Variants in RIBC2 observed in about 807,000 individuals in gnomAD.
RIBC2 encodes RIB43A-like with coiled-coils protein 2.
Under a neutral mutation model 44.3 loss-of-function variants are expected in RIBC2, and 40 were observed. The observed-to-expected ratio is 0.90, with a 90% CI of 0.70 to 1.18. The LOEUF (loss-of-function observed/expected upper bound fraction) is 1.18, where lower values mean the gene tolerates loss of function less well. Among genes scored for constraint, RIBC2 ranks in the 50% most tolerant of loss-of-function variants. RIBC2 has a pLI of 0.00. For missense variants in RIBC2, 459 were observed against 485.5 expected (o/e 0.95, Z 0.51); for synonymous variants, 171 against 175.0 (o/e 0.98, Z 0.18).
At chr22:45,421,846 C>T (rs1336175905) in intron 3 of RIBC2, among the ~76,000 whole-genome samples, 1 of 152,020 alleles carries the variant, frequency 6.6e-6, no homozygotes, top group Non-Finnish European at 1.5e-5. Flanking sequence ...CCTGCCACTC[C>T]ACAGTATCTG....
chr22:45,432,142 G>T, intron 6 of RIBC2, 142 bp from the exon 7 acceptor site: 1 of 561,586 alleles, frequency 1.8e-6, no homozygotes. Context: ...ATTTTGGGGG[G>T]CTCATTAGGT....
chr22:45,424,759 T>TA (rs998146494), intron 4 of RIBC2, among the ~76,000 whole-genome samples: 1 of 149,096 alleles, frequency 6.7e-6, no homozygotes, highest in African/African-American at 2.5e-5. Context: ...TTTTCTTTTT[T>TA]TTTTTTTTTT....
intron 3 of RIBC2, among the ~76,000 whole-genome samples, chr22:45,421,526 A>G (rs12157328): frequency 2.5e-4 from 9 of 36,476 alleles, no homozygotes; most frequent in South Asian, 2.4e-3. Flanking sequence ...AATAATAATA[A>G]TAGTATTATT....
chr22:45,420,740 A>C (rs2087469702), intron 3 of RIBC2, among the ~76,000 whole-genome samples: 1 of 152,076 alleles, frequency 6.6e-6, no homozygotes, highest in African/African-American at 2.4e-5. Flanking sequence ...TCCTGCATAT[A>C]TTTTGAACTG....
At chr22:45,416,608 C>G (rs548909794) in intron 2 of RIBC2, among the ~76,000 whole-genome samples, 1 of 151,934 alleles carries the variant, frequency 6.6e-6, no homozygotes, top group African/African-American at 2.4e-5. Context: ...ACTATAGGCA[C>G]GTGCCACCAA....
At chr22:45,422,517 C>G in intron 4 of RIBC2, 109 bp downstream of exon 4, 1 of 797,482 alleles carries the variant, frequency 1.3e-6, no homozygotes, top group Non-Finnish European at 2.2e-6. Context: ...AGCCTGCTCC[C>G]TGGTCACATG....
chr22:45,430,885 C>G lies in RIBC2; in HGVS notation c.904-15C>G, dbSNP rs1256428967. 6.4e-7 allele frequency: 1 copy of G among 1,559,570 alleles called. No homozygotes were observed. Among genetic ancestry groups the G allele is most frequent in the Non-Finnish European group, 8.7e-7 (1 of 1,152,300 alleles). On this transcript the variant is annotated splice_polypyrimidine_tract_variant and intron_variant, in intron 5 of 6. Coordinates refer to ENST00000614167, the MANE Select transcript of RIBC2 (RefSeq NM_015653.5). Reference sequence around the variant, plus strand: ...CTGGGGAAAGGTGGTGGTGAGCCGCCTCTTTTCCTTCCAGAGGCTCCAGGA... The same window carrying G: ...CTGGGGAAAGGTGGTGGTGAGCCGCGTCTTTTCCTTCCAGAGGCTCCAGGA...
rs766500558 is a variant in RIBC2, at chr22:45,417,712, A to G, written c.322A>G (p.Lys108Glu). Residue 108 changes from lysine (K) to glutamate (E), a missense_variant, in exon 3 of 7, where the codon AAG becomes GAG. Coordinates refer to ENST00000614167, the MANE Select transcript of RIBC2 (RefSeq NM_015653.5). ...CAATGACTTCCAACAGAGCTTTCAG[A>G]AGCCAGAAACTCGCCGTGAATTTGA... ...AINDFQQSFQ[K>E]PETRREFDLS... 4.3e-6 allele frequency: 7 copies of G among 1,614,174 alleles called. No homozygotes were observed. Among genetic ancestry groups the G allele is most frequent in the Non-Finnish European group, 5.9e-6 (7 of 1,180,034 alleles).
intron 5 of RIBC2, among the ~76,000 whole-genome samples, chr22:45,430,365 G>A (rs1602122823): frequency 6.6e-6 from 1 of 152,344 alleles, no homozygotes; most frequent in East Asian, 1.9e-4. Context: ...GAGGAGGGCA[G>A]TGAGGAATGA....
chr22:45,415,199 GAAAAA>G (rs10587079), intron 2 of RIBC2, among the ~76,000 whole-genome samples: 2 of 126,820 alleles, frequency 1.6e-5, no homozygotes, highest in African/African-American at 2.8e-5. Flanking sequence ...AAAATAAATT[GAAAAA>G]AAAAAAAAAA....
chr22:45,415,777 G>A (rs148812360), intron 2 of RIBC2, among the ~76,000 whole-genome samples: 35 of 152,190 alleles, frequency 2.3e-4, no homozygotes, highest in Middle Eastern at 3.4e-3. Context: ...TCAGCTCACC[G>A]CAACCTCCGC....
At chr22:45,418,588 G>A (rs922551724) in intron 3 of RIBC2, among the ~76,000 whole-genome samples, 5 of 152,192 alleles carry the variant, frequency 3.3e-5, no homozygotes, top group Non-Finnish European at 7.3e-5. Context: ...GAAAGACCGG[G>A]TAACGAAGAC....
chr22:45,422,292 G>T lies in RIBC2; in HGVS notation c.559G>T (p.Ala187Ser), dbSNP rs774112239. The change falls in exon 4 of 7, where the codon GCC becomes TCC. Residue 187 changes from alanine (A) to serine (S), a missense_variant and splice_region_variant. Physicochemically the swap from Ala to Ser is moderately conservative, Grantham distance 99. Transcript: ENST00000614167. ...GATTGCTTCTTGCCTCCTTTCAGAG[G>T]CCCTCTACACAGAGACAAGGCTGCA... ...NARAEQKCAE[A>S]LYTETRLQFD... is the part of the protein sequence containing the mutation. 10 of 1,612,632 alleles carry T rather than the reference G, an allele frequency of 6.2e-6. No homozygotes were observed. The highest frequency in any genetic ancestry group is 5.0e-5 in the Admixed American group (3 of 60,004).
chr22:45,421,989 G>A (rs560233196), intron 3 of RIBC2, among the ~76,000 whole-genome samples: 1 of 152,164 alleles, frequency 6.6e-6, no homozygotes, highest in South Asian at 2.1e-4. Flanking sequence ...GGTCTCAAAC[G>A]TCATTTCTTG....
chr22:45,420,798 T>A (rs2087470251), intron 3 of RIBC2, among the ~76,000 whole-genome samples: 2 of 152,184 alleles, frequency 1.3e-5, no homozygotes, highest in Non-Finnish European at 2.9e-5. Flanking sequence ...CAAGCCACCA[T>A]CTCAGCTGAA....
intron 3 of RIBC2, among the ~76,000 whole-genome samples, chr22:45,421,611 TA>T (rs1383731474): frequency 1.5e-4 from 22 of 146,988 alleles, no homozygotes; most frequent in African/African-American, 5.0e-4. Flanking sequence ...TTAATAATAA[TA>T]ATGTTATTAT....
At chr22:45,426,248 T>A (rs1388445638) in intron 5 of RIBC2, 73 bp downstream of exon 5, 1 of 1,341,272 alleles carries the variant, frequency 7.5e-7, no homozygotes, top group Non-Finnish European at 1.0e-6. Flanking sequence ...CAGGCACAAA[T>A]GTAGTTGTAG....
intron 3 of RIBC2, among the ~76,000 whole-genome samples, chr22:45,418,480 C>A (rs984541658): frequency 6.6e-6 from 1 of 152,140 alleles, no homozygotes; most frequent in South Asian, 2.1e-4. Context: ...GCAGAAAGCC[C>A]CATGTGTCCT....
At chr22:45,421,805 T>C (rs2087487691) in intron 3 of RIBC2, among the ~76,000 whole-genome samples, 1 of 151,846 alleles carries the variant, frequency 6.6e-6, no homozygotes, top group Non-Finnish European at 1.5e-5. Context: ...ACTCTTCCTC[T>C]TTCTCTTACT....
Sources: gnomAD v4.1 joint callset for allele counts (sites outside exome capture counted in the v4.1 genomes callset) on GRCh38, gnomAD v4.1.1 for gene constraint, MANE v1.5 for transcripts, NCBI Gene and HGNC (gene_info 2026-07-23, HGNC 2026-07-21) for gene names.